ABCC1: variants seen among roughly 807,000 people sequenced by gnomAD.
The protein encoded by ABCC1 is ATP binding cassette subfamily C member 1 (ABCC1 blood group).
In ABCC1, 83 loss-of-function variants were observed where a neutral mutation model predicts 172.9. The observed-to-expected ratio is 0.48, with a 90% CI of 0.40 to 0.58. The LOEUF is 0.58. ABCC1 is among the 20% of genes least tolerant of loss of function. The pLI, the probability that ABCC1 is intolerant of heterozygous loss-of-function variation, is 0.00. For missense variants in ABCC1, 1,817 were observed against 2,002.7 expected (o/e 0.91, Z 1.77); for synonymous variants, 937 against 825.2 (o/e 1.14, Z -2.32).
chr16:16,105,877 G>GGT (rs2052070792), intron 20 of ABCC1, among the ~76,000 whole-genome samples: 1 of 66,376 alleles, frequency 1.5e-5, no homozygotes, highest in African/African-American at 4.8e-5. Context: ...TGCGAAAAGT[G>GGT]CTTTTTTTTT....
intron 6 of ABCC1, 89 bp from the exon 7 acceptor site, chr16:16,036,383 C>T (rs2048756062): frequency 7.9e-7 from 1 of 1,267,138 alleles, no homozygotes; most frequent in Non-Finnish European, 1.1e-6. Flanking sequence ...GGAGCAGCAT[C>T]AGCAGGCGTG....
chr16:16,074,568 G>T (rs1035806947), intron 14 of ABCC1, among the ~76,000 whole-genome samples: 5 of 152,138 alleles, frequency 3.3e-5, no homozygotes, highest in African/African-American at 1.2e-4. Context: ...CCTCCTTCCT[G>T]CCCTAATAGT....
At chr16:15,974,712 A>C (rs1386870411) in intron 1 of ABCC1, among the ~76,000 whole-genome samples, 3 of 152,212 alleles carry the variant, frequency 2.0e-5, no homozygotes, top group African/African-American at 7.2e-5. Flanking sequence ...AGACACAGAC[A>C]AATATCAAAG....
At chr16:16,134,626 T>A in intron 28 of ABCC1, 118 bp downstream of exon 28, 11 of 7,862 alleles carry the variant, frequency 1.4e-3, no homozygotes, top group South Asian at 9.8e-3. Context: ...TTCATCGTTC[T>A]TTTTTTTTTT....
chr16:15,954,846 C>G (rs540423794), intron 1 of ABCC1, among the ~76,000 whole-genome samples: 1 of 152,146 alleles, frequency 6.6e-6, no homozygotes, highest in Admixed American at 6.5e-5. Flanking sequence ...AGGAACTGAT[C>G]TCTCTATGTG....
chr16:15,980,208 A>G (rs948611586), intron 1 of ABCC1, among the ~76,000 whole-genome samples: 1 of 152,076 alleles, frequency 6.6e-6, no homozygotes, highest in Non-Finnish European at 1.5e-5. Flanking sequence ...TTCTTATAAT[A>G]TGTATTTAAA....
At chr16:16,028,758 C>T (rs1461934264) in intron 5 of ABCC1, among the ~76,000 whole-genome samples, 1 of 152,104 alleles carries the variant, frequency 6.6e-6, no homozygotes. Flanking sequence ...GTCGAGCAAG[C>T]AGTAGGACAA....
intron 20 of ABCC1, among the ~76,000 whole-genome samples, chr16:16,104,345 G>C (rs1050625426): frequency 2.6e-5 from 4 of 152,060 alleles, no homozygotes; most frequent in African/African-American, 9.7e-5. Context: ...AGTGTTGATT[G>C]GTCCGTTTTG....
At chr16:16,075,422 C>A (rs1207569581) in intron 14 of ABCC1, among the ~76,000 whole-genome samples, 2 of 151,386 alleles carry the variant, frequency 1.3e-5, no homozygotes, top group South Asian at 4.2e-4. Flanking sequence ...GCCAAGAGTT[C>A]GAGACCAGGC....
At chr16:16,016,656 G>T (rs1195043958) in intron 5 of ABCC1, 35 bp downstream of exon 5, 4 of 1,611,928 alleles carry the variant, frequency 2.5e-6, no homozygotes, top group Non-Finnish European at 3.4e-6. Context: ...GTGTGCGTGT[G>T]TGTGTGAGAG....
At position 16,114,639 on chromosome 16, in the gene ABCC1, T is replaced by C. The variant is rs567976183; in HGVS notation, c.3080-127T>C. The C allele has an allele frequency of 3.9e-4, 357 of 910,196 alleles. No individual in the cohort carries two copies. In the African/African-American group the frequency reaches 5.3e-3, roughly 14 times the overall value. 56.4% of individuals were successfully genotyped at this position (910,196 alleles called of 1,614,324 possible). A position where few individuals can be genotyped will look rare whatever the true frequency, so the allele number is the denominator to read the frequency against. ...TACAGGTGTGAGCCACCATGCCTGG[T>C]TCATCATTATTATTATTATTAGAAG... On this transcript the variant is annotated intron_variant, in intron 22 of 30. Coordinates refer to ENST00000399410, the MANE Select transcript of ABCC1 (RefSeq NM_004996.4).
chr16:16,061,154 G>A (rs1331434195), intron 12 of ABCC1, among the ~76,000 whole-genome samples: 6 of 152,134 alleles, frequency 3.9e-5, no homozygotes, highest in African/African-American at 1.4e-4. Context: ...CAAACTCCTG[G>A]CCTCTAGTGG....
Position 16,071,616 on chromosome 16 carries a change from C to T in ABCC1, c.1825-26C>T, listed in dbSNP as rs748234771. 1.7e-5 allele frequency: 27 copies of T among 1,604,768 alleles called. No homozygotes were observed. The African/African-American group carries it at 1.9e-4, about 11-fold the overall frequency. On this transcript the variant is annotated intron_variant, in intron 13 of 30. Coordinates refer to ENST00000399410, the MANE Select transcript of ABCC1 (RefSeq NM_004996.4). ...GCAAAAATGCTTTTTAAAAATAACTCTCCCCTGCCATTGCTCTCTGTACAG... is the reference window on the plus strand; with the variant it reads ...GCAAAAATGCTTTTTAAAAATAACTTTCCCCTGCCATTGCTCTCTGTACAG...
At chr16:16,066,837 A>T (rs1185798108) in intron 12 of ABCC1, among the ~76,000 whole-genome samples, 1 of 151,242 alleles carries the variant, frequency 6.6e-6, no homozygotes, top group East Asian at 2.0e-4. Context: ...TGGGAGGCAG[A>T]GGTTGCGGTG....
chr16:15,991,447 C>T (rs2046866815), intron 1 of ABCC1, among the ~76,000 whole-genome samples: 1 of 152,100 alleles, frequency 6.6e-6, no homozygotes, highest in Non-Finnish European at 1.5e-5. Context: ...AGAAGAGTAG[C>T]CCCAGCGAGC....
At chr16:16,016,257 G>C (rs1041234462) in intron 4 of ABCC1, among the ~76,000 whole-genome samples, 5 of 146,892 alleles carry the variant, frequency 3.4e-5, no homozygotes, top group African/African-American at 1.0e-4. Flanking sequence ...GGGTTCAAGT[G>C]ATTCTCCTGT....
In ABCC1 at chr16:16,007,943, G is replaced by A. The variant is rs370745195; in HGVS notation, c.176G>A (p.Arg59Gln). ...CFPFYFLYLS[R>Q]HDRGYIQMTP... ...CCCTTCTACTTCCTCTATCTCTCCC[G>A]ACATGACCGAGGCTACATTCAGATG... The change falls in exon 2 of 31, where the codon CGA (arginine) becomes CAA (glutamine). Residue 59 changes from arginine (R) to glutamine (Q), a missense_variant. Around this residue, in one of 3 missense-constraint regions of ABCC1, gnomAD observed 398 missense variants for 384.2 expected, o/e 1.04. Transcript: ENST00000399410. The A allele has an allele frequency of 1.5e-5, 24 of 1,600,334 alleles. No homozygotes were observed. Among genetic ancestry groups the A allele is most frequent in the African/African-American group, 1.1e-4 (8 of 73,456 alleles).
At chr16:16,035,428 A>G (rs1012025643) in intron 6 of ABCC1, among the ~76,000 whole-genome samples, 3 of 151,686 alleles carry the variant, frequency 2.0e-5, no homozygotes, top group Non-Finnish European at 2.9e-5. Flanking sequence ...CATCACCCAG[A>G]TTTCATGCTT....
chr16:15,990,725 C>G (rs1725697715), intron 1 of ABCC1, among the ~76,000 whole-genome samples: 3 of 151,954 alleles, frequency 2.0e-5, no homozygotes, highest in African/African-American at 7.3e-5. Flanking sequence ...TCTCGGCTCA[C>G]TGCAAGCTCC....
Sources: gnomAD v4.1 joint callset for allele counts (sites outside exome capture counted in the v4.1 genomes callset) on GRCh38, gnomAD v4.1.1 for gene constraint, gnomAD v4.1.1 regional missense constraint, MANE v1.5 for transcripts, NCBI Gene and HGNC (gene_info 2026-07-23, HGNC 2026-07-21) for gene names.